Variants in SPATA45 observed in about 807,000 individuals in gnomAD.
SPATA45 encodes the protein spermatogenesis associated 45.
SPATA45 carries 5 observed loss-of-function variants against 7.0 expected under a neutral mutation model. That is an observed-to-expected ratio of 0.71 (90% CI 0.37 to 1.50). The LOEUF is 1.50. Ranked by LOEUF, SPATA45 falls within the 40% of genes most tolerant of loss-of-function variation. SPATA45 has a pLI of 0.03. For synonymous variants in SPATA45, 40 were observed against 38.7 expected (o/e 1.03, Z -0.13); for missense variants, 111 against 114.9 (o/e 0.97, Z 0.16).
intron 2 of SPATA45, among the ~76,000 whole-genome samples, chr1:212,834,252 T>G (rs1663548158): frequency 6.6e-6 from 1 of 151,722 alleles, no homozygotes; most frequent in Non-Finnish European, 1.5e-5. Flanking sequence ...AAATTAATAA[T>G]TTGTTGGTTG....
rs1663531927 is a variant in SPATA45, at chr1:212,833,797, G to C, written c.277+2076C>G. On this transcript the variant is annotated intron_variant, in intron 2 of 2. Transcript: ENST00000332912. ...TGTTTTGCTTTCTTATCATTTGTGT[G>C]TTCACTAAAGGGAATTTTAAATTTC... Among the ~76,000 whole-genome samples, 6 of 151,756 alleles carry C rather than the reference G, an allele frequency of 4.0e-5. No individual in the cohort carries two copies. The South Asian group carries it at 1.3e-3, about 32-fold the overall frequency.
intron 1 of SPATA45, among the ~76,000 whole-genome samples, chr1:212,842,225 A>G (rs1351897067): frequency 1.3e-5 from 2 of 151,708 alleles, no homozygotes; most frequent in African/African-American, 4.8e-5. Context: ...TGAAAATACA[A>G]AAATTAGCCA....
chr1:212,839,537 G>C (rs1171783671), intron 1 of SPATA45, among the ~76,000 whole-genome samples: 1 of 150,788 alleles, frequency 6.6e-6, no homozygotes, highest in African/African-American at 2.4e-5. Flanking sequence ...AGGATGGCTT[G>C]AACCCAGGAG....
intron 2 of SPATA45, among the ~76,000 whole-genome samples, chr1:212,832,015 C>CTTTT (rs10645815): frequency 6.9e-4 from 65 of 93,588 alleles, no homozygotes; most frequent in Non-Finnish European, 7.8e-4. Flanking sequence ...CATTTACTTC[C>CTTTT]TTTTTTTTTT....
chr1:212,847,379 T>C (rs12140831), intron 1 of SPATA45, among the ~76,000 whole-genome samples: 66,917 of 152,014 alleles, frequency 0.44, 15,730 homozygotes, highest in East Asian at 0.53. Context: ...CATATTGCTT[T>C]TGAGCCATTG....
At chr1:212,837,785 G>A (rs769400410) in intron 1 of SPATA45, among the ~76,000 whole-genome samples, 2 of 151,824 alleles carry the variant, frequency 1.3e-5, no homozygotes, top group Non-Finnish European at 2.9e-5. Flanking sequence ...CTGGGTGTCA[G>A]AGCAAGATTT....
intron 1 of SPATA45, among the ~76,000 whole-genome samples, chr1:212,842,100 G>T (rs1028844293): frequency 6.6e-6 from 1 of 151,956 alleles, no homozygotes; most frequent in African/African-American, 2.4e-5. Context: ...ATTTTAGGCT[G>T]GGTGCGGTGG....
rs773326361 is a variant in SPATA45 at position 212,830,221 on chromosome 1, G to T, written c.*21C>A. 3.3e-6 allele frequency: 5 copies of T among 1,504,544 alleles called. No individual in the cohort carries two copies. Among genetic ancestry groups the T allele is most frequent in the Non-Finnish European group, 4.6e-6 (5 of 1,093,222 alleles). The allele number at this position is 1,504,544 out of a possible 1,614,324, so 93.2% of individuals were successfully genotyped here. Reference sequence around the variant, plus strand: ...GAAGAATCAAAGAGAATGTATTTCCGTGTGTCTCTGGAGATGCACTTTATC... The same window carrying T: ...GAAGAATCAAAGAGAATGTATTTCCTTGTGTCTCTGGAGATGCACTTTATC... On this transcript the variant is annotated 3_prime_UTR_variant, in exon 3 of 3. Coordinates refer to ENST00000332912, the MANE Select transcript of SPATA45 (RefSeq NM_001024601.3).
Position 212,831,284 on chromosome 1 carries a change from C to A in SPATA45, c.278-1023G>T, listed in dbSNP as rs193066832. Among the ~76,000 whole-genome samples the A allele has an allele frequency of 2.8e-3, 427 of 151,284 alleles. 21 individuals carry two copies. Among genetic ancestry groups the A allele is most frequent in the Admixed American group, 0.026 (399 of 15,176 alleles). ...AAGAATTTGAGACCAACCTGGGCAA[C>A]ATGGCAAAATCCAGACTCTATTAAA... On this transcript the variant is annotated intron_variant, in intron 2 of 2. Transcript: ENST00000332912.
chr1:212,841,507 A>AT (rs1264715105), intron 1 of SPATA45, among the ~76,000 whole-genome samples: 1 of 151,738 alleles, frequency 6.6e-6, no homozygotes. Flanking sequence ...TTTTTGATTT[A>AT]TTTTTATAAT....
chr1:212,845,385 C>CT (rs1663775320), intron 1 of SPATA45, among the ~76,000 whole-genome samples: 1 of 152,192 alleles, frequency 6.6e-6, no homozygotes. Context: ...TGGGTAGACA[C>CT]TTTCACTGGA....
Position 212,835,961 on chromosome 1 carries a change from G to C in SPATA45, c.189C>G (p.Thr63=). ...DAYQSFTDTT[T]KEPVPNSGRS... ...TGCCACTGTTGGGAACAGGCTCTTTGGTTGTGGTATCAGTAAAGGACTGAT... is the reference window on the plus strand; with the variant it reads ...TGCCACTGTTGGGAACAGGCTCTTTCGTTGTGGTATCAGTAAAGGACTGAT... The change falls in exon 2 of 3, where the codon ACC becomes ACG. Residue 63 remains threonine (T), a synonymous_variant. Coordinates refer to ENST00000332912, the MANE Select transcript of SPATA45 (RefSeq NM_001024601.3). 1 of 1,610,354 alleles carries C rather than the reference G, an allele frequency of 6.2e-7. No homozygotes were observed. Among genetic ancestry groups the C allele is most frequent in the Non-Finnish European group, 8.5e-7 (1 of 1,176,966 alleles).
intron 2 of SPATA45, among the ~76,000 whole-genome samples, chr1:212,832,002 G>A (rs6696870): frequency 5.0e-5 from 7 of 140,122 alleles, no homozygotes; most frequent in African/African-American, 1.8e-4. Context: ...CTATCTGATC[G>A]GACATTTACT....
intron 1 of SPATA45, among the ~76,000 whole-genome samples, chr1:212,843,069 C>T (rs574689398): frequency 2.0e-5 from 3 of 149,964 alleles, no homozygotes; most frequent in Non-Finnish European, 4.4e-5. Context: ...TGCACTCCAG[C>T]CTGGGCAACA....
chr1:212,841,885 G>A (rs912307816), intron 1 of SPATA45, among the ~76,000 whole-genome samples: 39 of 151,800 alleles, frequency 2.6e-4, no homozygotes, highest in African/African-American at 8.9e-4. Flanking sequence ...AGCCTACTGA[G>A]TAGCTGGGAT....
chr1:212,835,994 C>A lies in SPATA45; in HGVS notation c.156G>T (p.Pro52=), dbSNP rs375533640. The A allele has an allele frequency of 5.0e-6, 8 of 1,611,162 alleles. 1 individual carries two copies. The highest frequency in any genetic ancestry group is 1.3e-5 in the African/African-American group (1 of 74,974). Reference sequence around the variant, plus strand: ...TATCAGTAAAGGACTGATAGGCATCCGGGAAGTGCCTCTTTTGAACTCTCA... The same window carrying A: ...TATCAGTAAAGGACTGATAGGCATCAGGGAAGTGCCTCTTTTGAACTCTCA... The part of the protein sequence containing the change: ...SLLRVQKRHF[P]DAYQSFTDTT... Residue 52 remains proline, a synonymous_variant, in exon 2 of 3, where the codon CCG becomes CCT. Transcript: ENST00000332912.
rs1052924919 is a variant in SPATA45, at chr1:212,837,592, G to A, written c.-38-1405C>T. 5.3e-5 allele frequency among the ~76,000 whole-genome samples: 8 copies of A among 150,934 alleles called. No homozygotes were observed. In the East Asian group the frequency reaches 1.2e-3, roughly 22 times the overall value. On this transcript the variant is annotated intron_variant, in intron 1 of 2. Coordinates refer to ENST00000332912, the MANE Select transcript of SPATA45 (RefSeq NM_001024601.3). Reference sequence around the variant, plus strand: ...AGGTTGCAGTGAGCTGAGATCACGCGATTGCACTCCAGCCTGTGCGACAGT... The same window carrying A: ...AGGTTGCAGTGAGCTGAGATCACGCAATTGCACTCCAGCCTGTGCGACAGT...
chr1:212,831,562 A>G (rs1012305700), intron 2 of SPATA45, among the ~76,000 whole-genome samples: 12 of 151,078 alleles, frequency 7.9e-5, no homozygotes, highest in African/African-American at 2.7e-4. Flanking sequence ...TTTTAATTCT[A>G]TATATTTAAA....
intron 1 of SPATA45, among the ~76,000 whole-genome samples, chr1:212,837,133 T>G (rs989415606): frequency 6.6e-6 from 1 of 151,384 alleles, no homozygotes; most frequent in African/African-American, 2.4e-5. Context: ...ATAAAAATAA[T>G]ACATGTTTAT....
Sources: gnomAD v4.1 joint callset for allele counts (sites outside exome capture counted in the v4.1 genomes callset) on GRCh38, gnomAD v4.1.1 for gene constraint, MANE v1.5 for transcripts, NCBI Gene and HGNC (gene_info 2026-07-23, HGNC 2026-07-21) for gene names.